PCDHA3: variants seen among roughly 807,000 people sequenced by gnomAD.
The protein encoded by PCDHA3 is protocadherin alpha 3, also known as protocadherin alpha-3.
Under a neutral mutation model 62.2 loss-of-function variants are expected in PCDHA3, and 41 were observed. That is an observed-to-expected ratio of 0.66 (90% confidence interval 0.51 to 0.86). The LOEUF is 0.86. PCDHA3 is among the 40% of genes least tolerant of loss of function. The probability of loss-of-function intolerance (pLI) is 0.00; values close to 1 mark genes in which losing one functional copy is unlikely to be tolerated. For missense variants in PCDHA3, 1,304 were observed against 1,241.2 expected (o/e 1.05, Z -0.76); for synonymous variants, 640 against 555.4 (o/e 1.15, Z -2.14).
At chr5:140,827,338 G>A (rs1158154683) in intron 1 of PCDHA3, among the ~76,000 whole-genome samples, 1 of 152,144 alleles carries the variant, frequency 6.6e-6, no homozygotes, top group Non-Finnish European at 1.5e-5. Flanking sequence ...AAGTGGTGAA[G>A]TATATGAAAA....
intron 1 of PCDHA3, chr5:140,929,486 T>G (rs1258020318): frequency 8.8e-7 from 1 of 1,141,828 alleles, no homozygotes; most frequent in Non-Finnish European, 1.2e-6. Flanking sequence ...TATAGAAGTA[T>G]TAGAAGATTG....
At chr5:140,856,701 AAC>A (rs2150363820) in intron 1 of PCDHA3, 1 of 1,597,018 alleles carries the variant, frequency 6.3e-7, no homozygotes, top group East Asian at 2.2e-5. Context: ...GATGGAGGCA[AAC>A]CTGAATTTAC....
At chr5:140,905,944 A>G (rs2072219566) in intron 1 of PCDHA3, among the ~76,000 whole-genome samples, 3 of 152,216 alleles carry the variant, frequency 2.0e-5, no homozygotes, top group Non-Finnish European at 4.4e-5. Flanking sequence ...AGAACTTGGA[A>G]TCCGATGTTC....
intron 1 of PCDHA3, chr5:140,816,876 ACTCAGCTCTTTTAGGTTCTGAGAAGCC>A (rs1766016006): frequency 6.6e-6 from 1 of 151,704 alleles, no homozygotes; most frequent in African/African-American, 2.4e-5. Flanking sequence ...AGCAGTATTC[ACTCAGCTCTTTTAGGTTCTGAGAAGCC>A]CTCAGTTATA....
chr5:140,942,443 A>G (rs1204508547), intron 1 of PCDHA3, among the ~76,000 whole-genome samples: 2 of 152,100 alleles, frequency 1.3e-5, no homozygotes, highest in African/African-American at 4.8e-5. Flanking sequence ...ATAAACAAGT[A>G]AACTATCAAT....
intron 1 of PCDHA3, chr5:140,829,592 G>C: frequency 6.2e-7 from 1 of 1,612,022 alleles, no homozygotes; most frequent in South Asian, 1.1e-5. Flanking sequence ...GCGGGTGGGC[G>C]AGCGCGCGTT....
At chr5:140,872,547 A>G (rs1438827788) in intron 1 of PCDHA3, among the ~76,000 whole-genome samples, 1 of 152,128 alleles carries the variant, frequency 6.6e-6, no homozygotes, top group Non-Finnish European at 1.5e-5. Context: ...GGATCCCCTG[A>G]ACCCAGGGGT....
intron 1 of PCDHA3, chr5:140,868,910 T>C: frequency 2.3e-6 from 2 of 888,770 alleles, no homozygotes; most frequent in South Asian, 3.8e-5. Flanking sequence ...GCTCTTTACT[T>C]GGTGGAAAGT....
chr5:140,861,332 G>A (rs2046864240), intron 1 of PCDHA3: 1 of 247,774 alleles, frequency 4.0e-6, no homozygotes, highest in African/African-American at 2.3e-5. Context: ...CACCATCCTG[G>A]AAGAGGCCAA....
chr5:140,928,854 G>A (rs2085594573), intron 1 of PCDHA3: 1 of 1,614,178 alleles, frequency 6.2e-7, no homozygotes, highest in Non-Finnish European at 8.5e-7. Context: ...CTCTGGGTGT[G>A]CTGTTGAGCA....
chr5:140,962,370 T>G (rs1554225991), intron 1 of PCDHA3, among the ~76,000 whole-genome samples: 1 of 152,214 alleles, frequency 6.6e-6, no homozygotes, highest in South Asian at 2.1e-4. Flanking sequence ...GCTAGTTTGA[T>G]TTTATCTGTT....
chr5:140,850,831 G>T, intron 1 of PCDHA3: 7 of 1,598,198 alleles, frequency 4.4e-6, no homozygotes, highest in Non-Finnish European at 6.0e-6. Flanking sequence ...CTTTCTCCTT[G>T]TGCTGGATCT....
intron 1 of PCDHA3, among the ~76,000 whole-genome samples, chr5:140,934,564 A>T (rs2089922231): frequency 6.6e-6 from 1 of 152,076 alleles, no homozygotes; most frequent in African/African-American, 2.4e-5. Flanking sequence ...TCTTTTTTTT[A>T]ATTAATTGTA....
intron 3 of PCDHA3, among the ~76,000 whole-genome samples, chr5:141,007,690 C>T (rs2098341020): frequency 6.6e-6 from 1 of 152,224 alleles, no homozygotes; most frequent in Non-Finnish European, 1.5e-5. Flanking sequence ...CCTACTTCCA[C>T]CTCCCTCCTC....
chr5:140,858,487 C>G (rs896590695), intron 1 of PCDHA3: 5 of 1,499,788 alleles, frequency 3.3e-6, no homozygotes, highest in Non-Finnish European at 4.5e-6. Flanking sequence ...ATAATATTTT[C>G]TCTTACCGCA....
At position 140,802,751 on chromosome 5, in the gene PCDHA3, C is replaced by T. The variant is rs957021626; in HGVS notation, c.1554C>T (p.Tyr518=). Residue 518 remains tyrosine (Y), a synonymous_variant, in exon 1 of 4, where the codon TAC becomes TAT. Coordinates refer to ENST00000522353, the MANE Select transcript of PCDHA3 (RefSeq NM_018906.3). ...TACACGCGGAGAGCGGCAAGGTGTA[C>T]GCGCTGCAGCCGCTGGACCACGAGG... ...VSVHAESGKV[Y]ALQPLDHEEL... is the part of the protein sequence containing the mutation. 2.5e-6 allele frequency: 4 copies of T among 1,612,422 alleles called. No individual in the cohort carries two copies. The African/African-American group carries it at 5.3e-5, about 22-fold the overall frequency.
chr5:140,807,534 T>C (rs782811341), intron 1 of PCDHA3: 112 of 1,614,006 alleles, frequency 6.9e-5, no homozygotes, highest in Middle Eastern at 6.6e-4. Flanking sequence ...CCGCTGCAGG[T>C]TTTCCATGTG....
At chr5:140,974,105 A>G (rs1173287678) in intron 1 of PCDHA3, among the ~76,000 whole-genome samples, 1 of 152,246 alleles carries the variant, frequency 6.6e-6, no homozygotes, top group African/African-American at 2.4e-5. Context: ...GGTTAAAAGT[A>G]TTCTTTTGCA....
chr5:140,945,560 C>T (rs1321626108), intron 1 of PCDHA3, among the ~76,000 whole-genome samples: 3 of 151,960 alleles, frequency 2.0e-5, no homozygotes, highest in Non-Finnish European at 2.9e-5. Context: ...AAGCTGAAGA[C>T]ATCATACTAC....
Sources: allele counts gnomAD v4.1 joint callset (sites outside exome capture counted in the v4.1 genomes callset), GRCh38; gene constraint gnomAD v4.1.1; transcripts MANE v1.5; gene names NCBI Gene and HGNC (gene_info 2026-07-23, HGNC 2026-07-21).